Variants in ZMYM2 observed in about 807,000 individuals in gnomAD.
ZMYM2 encodes zinc finger MYM-type containing 2, also known as zinc finger MYM-type protein 2.
In ZMYM2, 56 loss-of-function variants were observed where a neutral mutation model predicts 162.8. The ratio of observed to expected loss-of-function variants is 0.34; its 90% CI spans 0.28 to 0.43. ZMYM2 has a LOEUF of 0.43. ZMYM2 is among the 20% of genes least tolerant of loss of function. The pLI is 1.00. For missense variants in ZMYM2, 1,275 were observed against 1,621.8 expected, an observed-to-expected ratio of 0.79 and a Z score of 3.67; for synonymous variants, 510 against 541.6, an observed-to-expected ratio of 0.94 and a Z score of 0.81.
At chr13:20,014,766 T>G (rs1288477280) in intron 6 of ZMYM2, among the ~76,000 whole-genome samples, 1 of 146,080 alleles carries the variant, frequency 6.8e-6, no homozygotes, top group African/African-American at 2.5e-5. Flanking sequence ...CTTTAGGTTT[T>G]TTTTTTTTTT....
the ZMYM2 span, among the ~76,000 whole-genome samples, chr13:19,911,803 C>T: frequency 2.0e-5 from 3 of 152,220 alleles, no homozygotes; most frequent in Non-Finnish European, 1.5e-5. Context: ...GGAGTTAGGG[C>T]TATTCTGTGG....
In ZMYM2 at chr13:20,030,596, T is replaced by C. The variant is rs574625247; in HGVS notation, c.1852-723T>C. 3.9e-3 allele frequency among the ~76,000 whole-genome samples: 590 copies of C among 152,120 alleles called. 4 individuals carry two copies. Among genetic ancestry groups the C allele is most frequent in the African/African-American group, 0.01 (430 of 41,514 alleles). ...TGTATTTTTAGTAGAGACGGGGTTT[T>C]ACCGTGTTAGCCAGGATGGTCTCGA... On this transcript the variant is annotated intron_variant, in intron 9 of 24. Coordinates refer to ENST00000610343, the MANE Select transcript of ZMYM2 (RefSeq NM_197968.4).
chr13:19,913,465 G>A, the ZMYM2 span, among the ~76,000 whole-genome samples: 2 of 151,836 alleles, frequency 1.3e-5, no homozygotes, highest in African/African-American at 2.4e-5. Flanking sequence ...TGGCTCACAC[G>A]TGTAATCCCA....
chr13:19,974,685 T>C (rs1956630483), intron 2 of ZMYM2, among the ~76,000 whole-genome samples: 1 of 152,300 alleles, frequency 6.6e-6, no homozygotes, highest in South Asian at 2.1e-4. Context: ...TGGGCCAGGC[T>C]GATCTCTAAC....
chr13:19,992,397 CTAAA>C (rs140699210), intron 2 of ZMYM2, among the ~76,000 whole-genome samples: 2 of 151,776 alleles, frequency 1.3e-5, no homozygotes, highest in African/African-American at 4.8e-5. Flanking sequence ...TCGTCTCTAC[CTAAA>C]TAAATAAATA....
the ZMYM2 span, among the ~76,000 whole-genome samples, chr13:19,878,521 T>C: frequency 1.5e-4 from 6 of 40,356 alleles, no homozygotes; most frequent in Admixed American, 4.0e-4. Context: ...TTTGCCCTTT[T>C]TTTTTTTTTT....
the ZMYM2 span, among the ~76,000 whole-genome samples, chr13:19,869,648 G>T: frequency 5.3e-5 from 8 of 152,102 alleles, no homozygotes; most frequent in South Asian, 6.2e-4. Flanking sequence ...AATTACCTGG[G>T]CTTGGTGGTA....
the ZMYM2 span, among the ~76,000 whole-genome samples, chr13:19,922,375 T>C: frequency 6.6e-6 from 1 of 152,142 alleles, no homozygotes; most frequent in African/African-American, 2.4e-5. Flanking sequence ...GCGGCATTAT[T>C]TGGTTAATTT....
intron 16 of ZMYM2, among the ~76,000 whole-genome samples, chr13:20,060,355 T>C (rs991259143): frequency 6.6e-6 from 1 of 152,176 alleles, no homozygotes; most frequent in Non-Finnish European, 1.5e-5. Flanking sequence ...TCTGTGCATA[T>C]TAAGTTTATA....
intron 19 of ZMYM2, among the ~76,000 whole-genome samples, chr13:20,065,848 C>G (rs1956633907): frequency 6.6e-6 from 1 of 152,030 alleles, no homozygotes; most frequent in African/African-American, 2.4e-5. Flanking sequence ...GCATGGGTGA[C>G]AGAGCAAGGC....
At chr13:19,934,368 C>T in the ZMYM2 span, among the ~76,000 whole-genome samples, 1 of 152,108 alleles carries the variant, frequency 6.6e-6, no homozygotes, top group Non-Finnish European at 1.5e-5. Context: ...CCATATTGGT[C>T]AGGCTGGTCT....
the ZMYM2 span, among the ~76,000 whole-genome samples, chr13:19,894,716 CA>C: frequency 1.3e-5 from 2 of 151,852 alleles, no homozygotes; most frequent in South Asian, 4.1e-4. Context: ...TATGGGTATT[CA>C]AAAATATGGT....
At chr13:19,920,384 T>G in the ZMYM2 span, among the ~76,000 whole-genome samples, 1 of 152,246 alleles carries the variant, frequency 6.6e-6, no homozygotes, top group East Asian at 1.9e-4. Context: ...GAGCGTTAGT[T>G]TGTCATCTCT....
intron 12 of ZMYM2, among the ~76,000 whole-genome samples, chr13:20,046,669 ATG>A (rs1566388446): frequency 6.7e-6 from 1 of 149,550 alleles, no homozygotes; most frequent in Non-Finnish European, 1.5e-5. Flanking sequence ...GTGTATATAT[ATG>A]TGTGTATATA....
At chr13:19,988,764 T>G (rs1428713624) in intron 2 of ZMYM2, among the ~76,000 whole-genome samples, 1 of 152,038 alleles carries the variant, frequency 6.6e-6, no homozygotes, top group African/African-American at 2.4e-5. Context: ...CCAGCCTGGG[T>G]GACAGAGACT....
At position 19,973,624 on chromosome 13, in the gene ZMYM2, T is replaced by TCGG. The variant is rs36115957; in HGVS notation, c.-11+13599_-11+13600insGGC. Among the ~76,000 whole-genome samples the TCGG allele has an allele frequency of 2.7e-3, 368 of 136,434 alleles. 1 individual carries two copies. The highest frequency in any genetic ancestry group is 9.6e-3 in the African/African-American group (335 of 34,800). The allele number at this position is 136,434 out of a possible 152,430, so 89.5% of individuals were successfully genotyped here. ...AGGCAGAGGTTGCAGTGATCCAAGA[T>TCGG]CATGCCACTGCACTCCAGGCTGGGT... is the stretch of plus-strand genomic sequence containing the variant. On this transcript the variant is annotated intron_variant, in intron 2 of 24. Coordinates refer to ENST00000610343, the MANE Select transcript of ZMYM2 (RefSeq NM_197968.4).
intron 14 of ZMYM2, among the ~76,000 whole-genome samples, chr13:20,057,860 T>C (rs1955926604): frequency 6.6e-6 from 1 of 152,204 alleles, no homozygotes; most frequent in Admixed American, 6.5e-5. Context: ...TATTCCGAAT[T>C]ATGTACCTAC....
chr13:19,962,786 A>C (rs142278673), intron 2 of ZMYM2, among the ~76,000 whole-genome samples: 3,277 of 148,864 alleles, frequency 0.022, 121 homozygotes, highest in African/African-American at 0.077. Context: ...AGCCTCCCAA[A>C]GTGCTGAGAT....
intron 4 of ZMYM2, among the ~76,000 whole-genome samples, chr13:20,003,644 T>C (rs572179715): frequency 6.6e-6 from 1 of 151,974 alleles, no homozygotes; most frequent in South Asian, 2.1e-4. Flanking sequence ...TTTTCTTTTT[T>C]TTTTTTTAGG....
Sources: allele counts gnomAD v4.1 joint callset (sites outside exome capture counted in the v4.1 genomes callset), GRCh38; gene constraint gnomAD v4.1.1; transcripts MANE v1.5; gene names NCBI Gene and HGNC (gene_info 2026-07-23, HGNC 2026-07-21).